DOCK2: variants seen among roughly 807,000 people sequenced by gnomAD.
DOCK2 encodes dedicator of cytokinesis 2.
DOCK2 carries 87 observed loss-of-function variants against 248.9 expected under a neutral mutation model. That is an observed-to-expected ratio of 0.35 (90% CI 0.29 to 0.42). The LOEUF is 0.42. Ranked by LOEUF, DOCK2 falls within the 10% of genes least tolerant of loss-of-function variation. The pLI is 1.00. For synonymous variants in DOCK2, 805 were observed against 821.6 expected (o/e 0.98, Z 0.35); for missense variants, 1,747 against 2,300.2 (o/e 0.76, Z 4.92).
intron 26 of DOCK2, among the ~76,000 whole-genome samples, chr5:169,818,535 A>G (rs1768215113): frequency 6.6e-6 from 1 of 152,180 alleles, no homozygotes; most frequent in Admixed American, 6.5e-5. Context: ...CATAAAACCA[A>G]GTTGCTGAGT....
intron 36 of DOCK2, among the ~76,000 whole-genome samples, chr5:170,039,205 A>T (rs944849185): frequency 6.6e-6 from 1 of 152,160 alleles, no homozygotes; most frequent in African/African-American, 2.4e-5. Flanking sequence ...ATGAATGAAC[A>T]AATGTTTCTG....
chr5:170,054,112 G>A (rs1043068090), intron 41 of DOCK2, among the ~76,000 whole-genome samples: 2 of 152,230 alleles, frequency 1.3e-5, no homozygotes, highest in African/African-American at 4.8e-5. Context: ...AAGGGAAAAT[G>A]TTCCAAGGAA....
intron 27 of DOCK2, chr5:169,881,421 G>A (rs1359034939): frequency 3.4e-5 from 52 of 1,551,360 alleles, no homozygotes; most frequent in Non-Finnish European, 4.4e-5. Flanking sequence ...TGAGATCTTG[G>A]CCAGTTCGAT....
At chr5:169,860,160 A>C (rs754590523) in intron 27 of DOCK2, among the ~76,000 whole-genome samples, 1 of 151,608 alleles carries the variant, frequency 6.6e-6, no homozygotes, top group Non-Finnish European at 1.5e-5. Flanking sequence ...GGGTCTCACT[A>C]CTTTGCCCAG....
chr5:169,990,515 A>G (rs1778176786), intron 29 of DOCK2, among the ~76,000 whole-genome samples: 1 of 152,204 alleles, frequency 6.6e-6, no homozygotes, highest in East Asian at 1.9e-4. Flanking sequence ...AATTATGCAG[A>G]AAATGTTTCC....
At chr5:169,717,954 C>T (rs369108542) in intron 21 of DOCK2, among the ~76,000 whole-genome samples, 3 of 152,042 alleles carry the variant, frequency 2.0e-5, no homozygotes, top group Non-Finnish European at 4.4e-5. Flanking sequence ...CCCAGCTACT[C>T]GGGAGGCTGA....
At chr5:169,702,588 G>C in intron 14 of DOCK2, 161 bp downstream of exon 14, 1 of 990,002 alleles carries the variant, frequency 1.0e-6, no homozygotes, top group East Asian at 2.9e-5. Flanking sequence ...GGTTAGTGCA[G>C]TGTTCCATAA....
At chr5:169,663,335 G>T (rs570021706) in intron 2 of DOCK2, among the ~76,000 whole-genome samples, 8 of 152,178 alleles carry the variant, frequency 5.3e-5, no homozygotes, top group Non-Finnish European at 8.8e-5. Context: ...GGTTTTCTAG[G>T]CACACAGTGC....
chr5:169,871,601 C>G (rs1256167152), intron 27 of DOCK2, among the ~76,000 whole-genome samples: 1 of 152,124 alleles, frequency 6.6e-6, no homozygotes, highest in African/African-American at 2.4e-5. Flanking sequence ...GAATCCGAAC[C>G]CTGACAGTCT....
intron 9 of DOCK2, chr5:169,695,132 G>A (rs1488681765): frequency 6.6e-6 from 1 of 152,258 alleles, no homozygotes; most frequent in African/African-American, 2.4e-5. Context: ...AGCCAGAAGT[G>A]ATTTGCCACA....
intron 1 of DOCK2, 74 bp downstream of exon 1, chr5:169,637,443 G>A (rs890897641): frequency 7.0e-6 from 9 of 1,288,236 alleles, no homozygotes; most frequent in Non-Finnish European, 8.8e-6. Context: ...GGATGCTGCG[G>A]GGCCGGCGGC....
At chr5:169,882,942 C>T (rs912950568) in intron 27 of DOCK2, 70 of 1,551,664 alleles carry the variant, frequency 4.5e-5, no homozygotes, top group Non-Finnish European at 6.1e-5. Flanking sequence ...GGTGGGCTGG[C>T]TGGCTGTGGG....
At chr5:169,882,742 C>T in intron 27 of DOCK2, 3 of 1,551,932 alleles carry the variant, frequency 1.9e-6, no homozygotes, top group South Asian at 1.2e-5. Flanking sequence ...TTTGGTCTCA[C>T]TCCTTGAAAG....
Position 170,073,134 on chromosome 5 carries a change from T to C in DOCK2, c.4729-2813T>C, listed in dbSNP as rs550588125. On this transcript the variant is annotated intron_variant, in intron 46 of 51. Coordinates refer to ENST00000520908, the MANE Select transcript of DOCK2 (RefSeq NM_004946.3). ...GTTTTATTCTGAGTTTTTATTGTTT[T>C]GTCTTATACATTTAGGTGTATGATC... is the stretch of plus-strand genomic sequence containing the variant. 7.2e-5 allele frequency among the ~76,000 whole-genome samples: 11 copies of C among 152,386 alleles called. No individual in the cohort carries two copies. In the East Asian group the frequency reaches 2.1e-3, roughly 29 times the overall value.
intron 27 of DOCK2, among the ~76,000 whole-genome samples, chr5:169,893,839 C>G (rs1316384642): frequency 6.6e-6 from 1 of 152,096 alleles, no homozygotes; most frequent in Admixed American, 6.5e-5. Flanking sequence ...GGAGAGGGAT[C>G]CAGTTGGAAT....
intron 14 of DOCK2, among the ~76,000 whole-genome samples, chr5:169,705,609 T>C (rs1190825170): frequency 2.0e-5 from 3 of 152,186 alleles, no homozygotes; most frequent in Non-Finnish European, 2.9e-5. Flanking sequence ...ATCTACATAA[T>C]AGGTGTGCAT....
intron 44 of DOCK2, among the ~76,000 whole-genome samples, chr5:170,059,454 G>C (rs577020960): frequency 6.6e-6 from 1 of 152,254 alleles, no homozygotes; most frequent in East Asian, 1.9e-4. Flanking sequence ...CTCTTCTGTA[G>C]TCATTCCTGC....
chr5:169,821,838 G>A (rs928208455), intron 26 of DOCK2, among the ~76,000 whole-genome samples: 2 of 152,152 alleles, frequency 1.3e-5, no homozygotes, highest in African/African-American at 4.8e-5. Context: ...TGGATAAAGA[G>A]TCAAGACCCA....
intron 25 of DOCK2, among the ~76,000 whole-genome samples, chr5:169,769,461 G>A (rs531951269): frequency 6.6e-6 from 1 of 152,346 alleles, no homozygotes; most frequent in Non-Finnish European, 1.5e-5. Flanking sequence ...ATGGTAGAAA[G>A]AGAATGGCTG....
Sources: gnomAD v4.1 joint callset for allele counts (sites outside exome capture counted in the v4.1 genomes callset) on GRCh38, gnomAD v4.1.1 for gene constraint, MANE v1.5 for transcripts, NCBI Gene and HGNC (gene_info 2026-07-23, HGNC 2026-07-21) for gene names.